C12orf60: variants seen among roughly 807,000 people sequenced by gnomAD.
The protein encoded by C12orf60 is chromosome 12 open reading frame 60.
For synonymous variants in C12orf60, 102 were observed against 94.6 expected, an observed-to-expected ratio of 1.08 and a Z score of -0.45; for missense variants, 284 against 283.2, an observed-to-expected ratio of 1.00 and a Z score of -0.02.
At chr12:14,816,203 C>T (rs1444955800) in intron 1 of C12orf60, among the ~76,000 whole-genome samples, 1 of 152,126 alleles carries the variant, frequency 6.6e-6, no homozygotes, top group East Asian at 1.9e-4. Context: ...TGACAAGTTT[C>T]ACTGCTGGAT....
chr12:14,812,594 C>T (rs1474397018), intron 1 of C12orf60, among the ~76,000 whole-genome samples: 1 of 152,052 alleles, frequency 6.6e-6, no homozygotes, highest in Non-Finnish European at 1.5e-5. Context: ...ATTATTTCCT[C>T]AGCATAAGTA....
At chr12:14,810,681 G>C (rs924888863) in intron 1 of C12orf60, among the ~76,000 whole-genome samples, 5 of 152,104 alleles carry the variant, frequency 3.3e-5, no homozygotes, top group African/African-American at 9.7e-5. Flanking sequence ...GTGGCCATGT[G>C]GAGACATTTA....
chr12:14,817,070 C>T (rs1196004414), intron 1 of C12orf60, among the ~76,000 whole-genome samples: 1 of 151,986 alleles, frequency 6.6e-6, no homozygotes, highest in East Asian at 1.9e-4. Context: ...GCCACCATGC[C>T]CGGCCAATTT....
intron 1 of C12orf60, among the ~76,000 whole-genome samples, chr12:14,815,517 T>C (rs1433654869): frequency 6.6e-6 from 1 of 152,062 alleles, no homozygotes; most frequent in Non-Finnish European, 1.5e-5. Flanking sequence ...TCATGGAAAA[T>C]TGAAAATAGT....
intron 1 of C12orf60, among the ~76,000 whole-genome samples, chr12:14,808,816 GAC>G (rs1950094200): frequency 6.6e-6 from 1 of 152,094 alleles, no homozygotes; most frequent in African/African-American, 2.4e-5. Flanking sequence ...ACATGTAACA[GAC>G]ACACATTTCC....
Position 14,823,770 on chromosome 12 carries a change from T to TAACATAGCAC in C12orf60, c.*98_*99insACATAGCACA. Reference sequence around the variant, plus strand: ...AGATCTTTTGGTGCCAAACATGTGCTATGTTAGAACATAAGTACACAAAAG... The same window carrying TAACATAGCAC: ...AGATCTTTTGGTGCCAAACATGTGCTAACATAGCACATGTTAGAACATAAGTACACAAAAG... On this transcript the variant is annotated 3_prime_UTR_variant, in exon 2 of 2. Coordinates refer to ENST00000330828, the MANE Select transcript of C12orf60 (RefSeq NM_175874.4). The TAACATAGCAC allele has an allele frequency of 8.3e-7, 1 of 1,202,858 alleles. No individual in the cohort carries two copies. Among genetic ancestry groups the TAACATAGCAC allele is most frequent in the Non-Finnish European group, 1.1e-6 (1 of 883,286 alleles). The allele number at this position is 1,202,858 out of a possible 1,614,324, so 74.5% of individuals were successfully genotyped here.
At chr12:14,818,433 A>G (rs1210131500) in intron 1 of C12orf60, among the ~76,000 whole-genome samples, 2 of 152,192 alleles carry the variant, frequency 1.3e-5, no homozygotes, top group East Asian at 3.8e-4. Flanking sequence ...GTTTTCTTCT[A>G]GGGTGAAAAC....
At position 14,812,399 on chromosome 12, in the gene C12orf60, G is replaced by C. The variant is rs1247216172; in HGVS notation, c.-25+8648G>C. Among the ~76,000 whole-genome samples the C allele has an allele frequency of 1.1e-3, 165 of 152,174 alleles. 1 individual carries two copies. Among genetic ancestry groups the C allele is most frequent in the Non-Finnish European group, 8.8e-5 (6 of 68,006 alleles). On this transcript the variant is annotated intron_variant, in intron 1 of 1. Coordinates refer to ENST00000330828, the MANE Select transcript of C12orf60 (RefSeq NM_175874.4). ...GCAGAGCTTGCAGTGAGCCGAGATT[G>C]TGCCACTGCACGCCGGCCTGGGTGA...
In C12orf60 at chr12:14,823,107, G is replaced by T. The variant is rs1950331415; in HGVS notation, c.172G>T (p.Asp58Tyr). The T allele has an allele frequency of 6.2e-7, 1 of 1,614,092 alleles. No homozygotes were observed. Among genetic ancestry groups the T allele is most frequent in the South Asian group, 1.1e-5 (1 of 91,072 alleles). ...MAVKNNSYIKDFFEQMLKIFK... is the reference protein window; with the variant it reads ...MAVKNNSYIKYFFEQMLKIFK... Reference sequence around the variant, plus strand: ...TGTGAAAAACAATAGTTACATTAAGGATTTTTTTGAGCAAATGCTCAAAAT... The same window carrying T: ...TGTGAAAAACAATAGTTACATTAAGTATTTTTTTGAGCAAATGCTCAAAAT... The change falls in exon 2 of 2, where the codon GAT becomes TAT. Residue 58 changes from aspartate to tyrosine, a missense_variant. Transcript: ENST00000330828.
chr12:14,811,870 A>G (rs1414088109), intron 1 of C12orf60, among the ~76,000 whole-genome samples: 1 of 152,218 alleles, frequency 6.6e-6, no homozygotes, highest in East Asian at 1.9e-4. Flanking sequence ...CTTCATGGAG[A>G]ATGCAATATA....
Position 14,823,239 on chromosome 12 carries a change from A to G in C12orf60, c.304A>G (p.Thr102Ala), listed in dbSNP as rs1445670877. The change falls in exon 2 of 2, where the codon ACC (threonine) becomes GCC (alanine). Residue 102 changes from threonine to alanine, a missense_variant. Coordinates refer to ENST00000330828, the MANE Select transcript of C12orf60 (RefSeq NM_175874.4). ...MAMCSVVQKS[T>A]NVEELHQSAK... Reference sequence around the variant, plus strand: ...CATGTGCTCTGTGGTTCAGAAGAGTACCAATGTAGAGGAGTTGCATCAGTC... The same window carrying G: ...CATGTGCTCTGTGGTTCAGAAGAGTGCCAATGTAGAGGAGTTGCATCAGTC... 1.2e-6 allele frequency: 2 copies of G among 1,614,130 alleles called. No homozygotes were observed. The highest frequency in any genetic ancestry group is 1.7e-5 in the Admixed American group (1 of 60,014).
At position 14,823,000 on chromosome 12, in the gene C12orf60, A is replaced by G. The variant is rs766474771; in HGVS notation, c.65A>G (p.His22Arg). ...CAAGCTGCCAAAATGTTCTTCTTTC[A>G]TGTACAAGATCTTGCTTCTGTCATA... Reference protein sequence around the residue: ...LIQAAKMFFFHVQDLASVINT... With the variant: ...LIQAAKMFFFRVQDLASVINT... Residue 22 changes from histidine to arginine, a missense_variant, in exon 2 of 2, where the codon CAT becomes CGT. By Grantham distance (29) the His-to-Arg change is conservative. Coordinates refer to ENST00000330828, the MANE Select transcript of C12orf60 (RefSeq NM_175874.4). 5.0e-6 allele frequency: 8 copies of G among 1,610,462 alleles called. No homozygotes were observed. The highest frequency in any genetic ancestry group is 6.8e-6 in the Non-Finnish European group (8 of 1,177,004).
At chr12:14,822,150 T>C (rs1950316182) in intron 1 of C12orf60, among the ~76,000 whole-genome samples, 1 of 145,156 alleles carries the variant, frequency 6.9e-6, no homozygotes, top group African/African-American at 2.6e-5. Context: ...CATTTTGTTG[T>C]TGGCAACTAG....
intron 1 of C12orf60, among the ~76,000 whole-genome samples, chr12:14,816,603 G>A (rs1434728362): frequency 6.6e-6 from 1 of 152,014 alleles, no homozygotes; most frequent in African/African-American, 2.4e-5. Context: ...TTATAATCTA[G>A]CTTCTGTACA....
chr12:14,815,875 C>T (rs1325236366), intron 1 of C12orf60, among the ~76,000 whole-genome samples: 2 of 152,158 alleles, frequency 1.3e-5, no homozygotes, highest in African/African-American at 4.8e-5. Flanking sequence ...CCTACTCATC[C>T]ACTCCTTTCT....
intron 1 of C12orf60, among the ~76,000 whole-genome samples, chr12:14,822,520 T>C (rs1207522874): frequency 6.6e-6 from 1 of 152,352 alleles, no homozygotes; most frequent in East Asian, 1.9e-4. Flanking sequence ...AAAGATCAGA[T>C]GGAGTGTGCT....
intron 1 of C12orf60, among the ~76,000 whole-genome samples, chr12:14,819,758 C>T (rs1250248498): frequency 6.6e-6 from 1 of 152,010 alleles, no homozygotes; most frequent in Non-Finnish European, 1.5e-5. Flanking sequence ...CTGATATGAT[C>T]ATATGGTTTT....
intron 1 of C12orf60, chr12:14,806,375 A>G (rs375037271): frequency 6.2e-7 from 1 of 1,614,188 alleles, no homozygotes; most frequent in Non-Finnish European, 8.5e-7. Context: ...CCTTTTCCTT[A>G]ATATCCTGAA....
rs551669842 is a variant in C12orf60 at position 14,812,368 on chromosome 12, T to C, written c.-25+8617T>C. ...CTGAGGCAGGAGAATGGCATGAGCCTGGGAGGCAGAGCTTGCAGTGAGCCG... is the reference window on the plus strand; with the variant it reads ...CTGAGGCAGGAGAATGGCATGAGCCCGGGAGGCAGAGCTTGCAGTGAGCCG... On this transcript the variant is annotated intron_variant, in intron 1 of 1. Transcript: ENST00000330828. Among the ~76,000 whole-genome samples the C allele has an allele frequency of 2.6e-4, 39 of 151,934 alleles. No individual in the cohort carries two copies. In the South Asian group the frequency reaches 7.9e-3, roughly 31 times the overall value.
Sources: gnomAD v4.1 joint callset for allele counts (sites outside exome capture counted in the v4.1 genomes callset) on GRCh38, gnomAD v4.1.1 for gene constraint, MANE v1.5 for transcripts, NCBI Gene and HGNC (gene_info 2026-07-23, HGNC 2026-07-21) for gene names.